Variants in LPAR3 observed in about 807,000 individuals in gnomAD.
LPAR3 encodes the protein lysophosphatidic acid receptor 3.
A neutral mutation model predicts 17.8 loss-of-function variants in LPAR3; 7 were observed. The ratio of observed to expected loss-of-function variants is 0.39; its 90% CI spans 0.22 to 0.74. The LOEUF is 0.74. Ranked by LOEUF, LPAR3 falls within the 30% of genes least tolerant of loss-of-function variation. The pLI is 0.40. For synonymous variants in LPAR3, 179 were observed against 179.9 expected (o/e 0.99, Z 0.04); for missense variants, 391 against 453.4 (o/e 0.86, Z 1.25).
chr1:84,827,371 TG>T (rs1374433565), intron 2 of LPAR3, among the ~76,000 whole-genome samples: 1 of 152,126 alleles, frequency 6.6e-6, no homozygotes, highest in Non-Finnish European at 1.5e-5. Context: ...TTATGTATTA[TG>T]GGGGTAGGGG....
At chr1:84,860,977 G>C (rs1252012846) in intron 2 of LPAR3, among the ~76,000 whole-genome samples, 1 of 152,006 alleles carries the variant, frequency 6.6e-6, no homozygotes, top group Non-Finnish European at 1.5e-5. Context: ...GACCTCAAGT[G>C]ATCCGCCCGC....
intron 2 of LPAR3, among the ~76,000 whole-genome samples, chr1:84,838,860 G>A (rs1659452600): frequency 6.6e-6 from 1 of 152,102 alleles, no homozygotes; most frequent in Non-Finnish European, 1.5e-5. Context: ...TTAACCCCTT[G>A]TTCCTGTCTT....
At chr1:84,881,622 T>C (rs1479779449) in intron 1 of LPAR3, among the ~76,000 whole-genome samples, 2 of 152,128 alleles carry the variant, frequency 1.3e-5, no homozygotes, top group Non-Finnish European at 2.9e-5. Context: ...CTAAAATAAC[T>C]ACAGTCCAAG....
intron 1 of LPAR3, among the ~76,000 whole-genome samples, chr1:84,892,812 A>G (rs1345756937): frequency 6.6e-6 from 1 of 152,254 alleles, no homozygotes; most frequent in African/African-American, 2.4e-5. Context: ...AAGGTGGGAA[A>G]AGAGCAAGTT....
chr1:84,840,086 C>CTTAT (rs769547754), intron 2 of LPAR3, among the ~76,000 whole-genome samples: 3 of 151,786 alleles, frequency 2.0e-5, no homozygotes, highest in East Asian at 3.9e-4. Context: ...CCACACCTGG[C>CTTAT]TTATTTATTT....
At chr1:84,871,280 A>C (rs1368980971) in intron 1 of LPAR3, among the ~76,000 whole-genome samples, 2 of 152,330 alleles carry the variant, frequency 1.3e-5, no homozygotes, top group East Asian at 3.9e-4. Flanking sequence ...GTGGAATCCA[A>C]ATGAAAACTT....
chr1:84,840,776 C>A (rs1435916080), intron 2 of LPAR3, among the ~76,000 whole-genome samples: 1 of 152,088 alleles, frequency 6.6e-6, no homozygotes, highest in Non-Finnish European at 1.5e-5. Flanking sequence ...CTCTTTAAAA[C>A]AATAATTGTG....
intron 1 of LPAR3, among the ~76,000 whole-genome samples, chr1:84,884,850 A>G (rs745702909): frequency 9.2e-5 from 14 of 152,222 alleles, no homozygotes; most frequent in Non-Finnish European, 1.9e-4. Flanking sequence ...TGGAATTTGC[A>G]TTTGTGGAAA....
intron 1 of LPAR3, among the ~76,000 whole-genome samples, chr1:84,873,934 G>T (rs1287725398): frequency 4.6e-5 from 7 of 152,042 alleles, no homozygotes; most frequent in Admixed American, 4.6e-4. Flanking sequence ...TGTATTATTA[G>T]TAGAGACGGG....
Position 84,839,885 on chromosome 1 carries a change from A to G in LPAR3, c.736+25500T>C, listed in dbSNP as rs191803783. Among the ~76,000 whole-genome samples the G allele has an allele frequency of 8.7e-4, 132 of 152,302 alleles. 1 individual carries two copies. Among genetic ancestry groups the G allele is most frequent in the Non-Finnish European group, 1.0e-3 (68 of 68,028 alleles). ...ATAAAAATTAAATAAGTAAATATCC[A>G]TAGAGTGCTTATTTAAGCTCCTGGC... On this transcript the variant is annotated intron_variant, in intron 2 of 2. Transcript: ENST00000370611.
In LPAR3 at chr1:84,851,573, T is replaced by A. The variant is rs966249950; in HGVS notation, c.736+13812A>T. On this transcript the variant is annotated intron_variant, in intron 2 of 2. Coordinates refer to ENST00000370611, the MANE Select transcript of LPAR3 (RefSeq NM_012152.3). Reference sequence around the variant, plus strand: ...TTCTTTTAATATATAAATAGTATACTACAGAAGCACTGGATAATCAACTCT... The same window carrying A: ...TTCTTTTAATATATAAATAGTATACAACAGAAGCACTGGATAATCAACTCT... 7.9e-5 allele frequency among the ~76,000 whole-genome samples: 12 copies of A among 152,384 alleles called. No individual in the cohort carries two copies. In the South Asian group the frequency reaches 2.5e-3, roughly 32 times the overall value.
chr1:84,819,723 A>C (rs1455123656), intron 2 of LPAR3, among the ~76,000 whole-genome samples: 1 of 152,220 alleles, frequency 6.6e-6, no homozygotes, highest in Non-Finnish European at 1.5e-5. Context: ...TGGCAGCAAA[A>C]GTAGTCTACA....
chr1:84,885,837 TGA>T (rs1193655050), intron 1 of LPAR3, among the ~76,000 whole-genome samples: 2 of 152,274 alleles, frequency 1.3e-5, no homozygotes, highest in East Asian at 3.9e-4. Flanking sequence ...TTGAAGATAA[TGA>T]GAGTCAGGTT....
At chr1:84,884,562 A>G (rs974013029) in intron 1 of LPAR3, among the ~76,000 whole-genome samples, 8 of 152,242 alleles carry the variant, frequency 5.3e-5, no homozygotes, top group African/African-American at 1.9e-4. Flanking sequence ...CATAGAAATT[A>G]GCAACCATTA....
chr1:84,827,880 A>C (rs960896507), intron 2 of LPAR3, among the ~76,000 whole-genome samples: 1 of 152,206 alleles, frequency 6.6e-6, no homozygotes, highest in Non-Finnish European at 1.5e-5. Flanking sequence ...CACCAAGAAC[A>C]CACAGTTCAT....
chr1:84,867,663 A>C (rs956154123), intron 1 of LPAR3, among the ~76,000 whole-genome samples: 1 of 152,206 alleles, frequency 6.6e-6, no homozygotes, highest in Non-Finnish European at 1.5e-5. Flanking sequence ...AACTGGGAGT[A>C]GTCTCAAGAG....
rs765041153 is a variant in LPAR3, at chr1:84,813,940, A to G, written c.968T>C (p.Ile323Thr). 6.2e-7 allele frequency: 1 copy of G among 1,613,902 alleles called. No homozygotes were observed. The highest frequency in any genetic ancestry group is 1.3e-5 in the African/African-American group (1 of 74,882). Residue 323 changes from isoleucine (I) to threonine (T), a missense_variant, in exon 3 of 3, where the codon ATC (isoleucine) becomes ACC (threonine). By Grantham distance (89) the Ile-to-Thr change is moderately conservative. Transcript: ENST00000370611. ...ACTCCTGCTGAGGACTGTGGAGGGGATGCGAGAGGGACGCCTCTCTGGGTT... is the reference window on the plus strand; with the variant it reads ...ACTCCTGCTGAGGACTGTGGAGGGGGTGCGAGAGGGACGCCTCTCTGGGTT... ...QENPERRPSR[I>T]PSTVLSRSDT...
chr1:84,868,258 T>C (rs890030806), intron 1 of LPAR3, among the ~76,000 whole-genome samples: 1 of 152,124 alleles, frequency 6.6e-6, no homozygotes, highest in African/African-American at 2.4e-5. Flanking sequence ...CACAGGCGCA[T>C]GCCAGCACGC....
At chr1:84,833,298 T>C (rs1659327794) in intron 2 of LPAR3, among the ~76,000 whole-genome samples, 2 of 152,360 alleles carry the variant, frequency 1.3e-5, no homozygotes, top group South Asian at 2.1e-4. Flanking sequence ...CAAATGTGTT[T>C]ATTATTGTAA....
Sources: allele counts gnomAD v4.1 joint callset (sites outside exome capture counted in the v4.1 genomes callset), GRCh38; gene constraint gnomAD v4.1.1; transcripts MANE v1.5; gene names NCBI Gene and HGNC (gene_info 2026-07-23, HGNC 2026-07-21).